The following CAMKK2 variants were observed in gnomAD, a reference collection of about 807,000 sequenced individuals.
The protein encoded by CAMKK2 is calcium/calmodulin-dependent protein kinase kinase 2.
CAMKK2 carries 30 observed loss-of-function variants against 67.2 expected under a neutral mutation model. The observed-to-expected ratio is 0.45, with a 90% confidence interval of 0.33 to 0.61. The LOEUF (loss-of-function observed/expected upper bound fraction) is 0.61. CAMKK2 is among the 20% of genes least tolerant of loss of function. The pLI is 0.02. For synonymous variants in CAMKK2, 322 were observed against 326.2 expected (o/e 0.99, Z 0.14); for missense variants, 643 against 802.0 (o/e 0.80, Z 2.39).
rs190259572 is a variant in CAMKK2 at position 121,293,157 on chromosome 12, A to G, written c.-60+3481T>C. Among the ~76,000 whole-genome samples the G allele has an allele frequency of 4.3e-3, 654 of 152,176 alleles. 4 individuals carry two copies. Among genetic ancestry groups the G allele is most frequent in the African/African-American group, 0.013 (546 of 41,528 alleles). The stretch of plus-strand genomic sequence containing the variant: ...CCAGGCCTGGTGGTGTGTACCTGTA[A>G]TCCCAGCCACTCGGGAGGCTGAGGC... On this transcript the variant is annotated intron_variant, in intron 1 of 16. Transcript: ENST00000404169.
chr12:121,290,055 T>C (rs866562036), intron 1 of CAMKK2, among the ~76,000 whole-genome samples: 3 of 151,990 alleles, frequency 2.0e-5, no homozygotes, highest in African/African-American at 7.2e-5. Flanking sequence ...GGCTATAGAG[T>C]TGATCTTCTC....
At chr12:121,243,781 A>C in intron 16 of CAMKK2, 1 of 901,230 alleles carries the variant, frequency 1.1e-6, no homozygotes, top group Non-Finnish European at 1.4e-6. Context: ...TGAATCATAC[A>C]CTTCCCGTGG....
chr12:121,290,966 C>T (rs993289461), intron 1 of CAMKK2, among the ~76,000 whole-genome samples: 2 of 152,086 alleles, frequency 1.3e-5, no homozygotes, highest in African/African-American at 4.8e-5. Flanking sequence ...ATTACAGGCG[C>T]GTGTCAACAC....
chr12:121,249,676 C>A, intron 13 of CAMKK2, 111 bp downstream of exon 13: 1 of 900,948 alleles, frequency 1.1e-6, no homozygotes, highest in Non-Finnish European at 1.9e-6. Flanking sequence ...CATAGGAGAA[C>A]AGCGGTGCCA....
rs1041373706 is a variant in CAMKK2 at position 121,296,411 on chromosome 12, G to T, written c.-60+227C>A. ...CCGAGGAGGCCATCCCGAGGCCCAGGGCGCCCAGAGGACGCGGGGGAAGGG... is the reference window on the plus strand; with the variant it reads ...CCGAGGAGGCCATCCCGAGGCCCAGTGCGCCCAGAGGACGCGGGGGAAGGG... On this transcript the variant is annotated intron_variant, in intron 1 of 16. Transcript: ENST00000404169. The surrounding 1 kb of genome is among the most constrained non-coding windows in gnomAD (Gnocchi z 7.1). Among the ~76,000 whole-genome samples the T allele has an allele frequency of 5.3e-5, 8 of 152,154 alleles. No individual in the cohort carries two copies. Among genetic ancestry groups the T allele is most frequent in the Non-Finnish European group, 1.2e-4 (8 of 68,002 alleles).
chr12:121,244,676 GC>G, intron 15 of CAMKK2, 61 bp from the exon 16 acceptor site: 1 of 1,352,672 alleles, frequency 7.4e-7, no homozygotes, highest in Non-Finnish European at 1.0e-6. Flanking sequence ...TCCACGGGAT[GC>G]CCGTTCCCCC....
chr12:121,250,055 G>A (rs1890354723), intron 11 of CAMKK2, 21 bp from the exon 12 acceptor site: 5 of 1,601,854 alleles, frequency 3.1e-6, no homozygotes, highest in Admixed American at 1.7e-5. Context: ...GCCAGGGACA[G>A]AGTGGCAGTC....
At chr12:121,282,769 C>A (rs373381783) in intron 1 of CAMKK2, among the ~76,000 whole-genome samples, 1 of 134,560 alleles carries the variant, frequency 7.4e-6, no homozygotes, top group East Asian at 1.9e-4. Context: ...CTTTTCTTTT[C>A]TTTTTGACAG....
At chr12:121,259,664 T>C (rs1893042519) in intron 7 of CAMKK2, among the ~76,000 whole-genome samples, 1 of 152,152 alleles carries the variant, frequency 6.6e-6, no homozygotes, top group South Asian at 2.1e-4. Flanking sequence ...ACTCAGTTTT[T>C]AATTTTTTAG....
intron 1 of CAMKK2, among the ~76,000 whole-genome samples, chr12:121,278,871 A>G (rs765335484): frequency 3.9e-5 from 6 of 152,174 alleles, no homozygotes; most frequent in Non-Finnish European, 7.4e-5. Flanking sequence ...ACGAGGACCA[A>G]TGTCCAAGCG....
chr12:121,247,963 C>T (rs964154000), intron 14 of CAMKK2, among the ~76,000 whole-genome samples: 2 of 152,140 alleles, frequency 1.3e-5, no homozygotes, highest in African/African-American at 4.8e-5. Flanking sequence ...AACCTGGATC[C>T]CTGGGACTCT....
chr12:121,250,156 T>A (rs1296491970), intron 11 of CAMKK2, 122 bp from the exon 12 acceptor site: 5 of 783,414 alleles, frequency 6.4e-6, no homozygotes, highest in African/African-American at 1.7e-5. Context: ...CGGCCCAGGC[T>A]AGGGGGCAAG....
upstream of CAMKK2, chr12:121,297,538 C>T: frequency 2.0e-6 from 1 of 497,418 alleles, no homozygotes; most frequent in Admixed American, 2.1e-5. Flanking sequence ...TTGGCACTTA[C>T]TTTGCTGGAG....
At chr12:121,293,917 G>A (rs1333456247) in intron 1 of CAMKK2, among the ~76,000 whole-genome samples, 1 of 151,490 alleles carries the variant, frequency 6.6e-6, no homozygotes, top group African/African-American at 2.4e-5. Context: ...ATTTGGGGGA[G>A]GGTGATTTTT....
chr12:121,280,176 C>T (rs1031931108), intron 1 of CAMKK2, among the ~76,000 whole-genome samples: 8 of 152,204 alleles, frequency 5.3e-5, no homozygotes, highest in Non-Finnish European at 1.0e-4. Context: ...GGCAGAAGAA[C>T]ATGGATTGTG....
intron 2 of CAMKK2, among the ~76,000 whole-genome samples, chr12:121,271,410 G>C (rs1895744180): frequency 6.6e-6 from 1 of 151,956 alleles, no homozygotes; most frequent in African/African-American, 2.4e-5. Context: ...CCCCCAGGTG[G>C]CCACTCTCTT....
rs372710027 is a variant in CAMKK2, at chr12:121,282,664, G to A, written c.-59-8079C>T. 6.0e-4 allele frequency among the ~76,000 whole-genome samples: 91 copies of A among 152,248 alleles called. 3 individuals are homozygous for A. In the South Asian group the frequency reaches 0.016, roughly 26 times the overall value. On this transcript the variant is annotated intron_variant, in intron 1 of 16. Coordinates refer to ENST00000404169, the MANE Select transcript of CAMKK2 (RefSeq NM_001270485.2). ...GAGAGGCCTGGAACAGACTCCCCTCGGAGCCTTCAGAAGGGACGAACCCTG... is the reference window on the plus strand; with the variant it reads ...GAGAGGCCTGGAACAGACTCCCCTCAGAGCCTTCAGAAGGGACGAACCCTG...
At chr12:121,252,071 C>G (rs1007247923) in intron 11 of CAMKK2, among the ~76,000 whole-genome samples, 1 of 151,974 alleles carries the variant, frequency 6.6e-6, no homozygotes, top group African/African-American at 2.4e-5. Context: ...GCCTTGGGCT[C>G]AGAAATGGGA....
intron 9 of CAMKK2, among the ~76,000 whole-genome samples, chr12:121,254,326 C>T (rs541328238): frequency 3.1e-4 from 47 of 152,108 alleles, no homozygotes; most frequent in African/African-American, 1.1e-3. Flanking sequence ...GGCATGGTGG[C>T]GTACACCTGT....
Sources: allele counts gnomAD v4.1 joint callset (sites outside exome capture counted in the v4.1 genomes callset), GRCh38; gene constraint gnomAD v4.1.1; non-coding constraint Gnocchi (gnomAD v3.1); transcripts MANE v1.5; gene names NCBI Gene and HGNC (gene_info 2026-07-23, HGNC 2026-07-21).